Variants in CTNNA3 observed in about 807,000 individuals in gnomAD.
CTNNA3 encodes catenin alpha-3.
A neutral mutation model predicts 95.7 loss-of-function variants in CTNNA3; 76 were observed. That is an observed-to-expected ratio of 0.79 (90% CI 0.66 to 0.96). The LOEUF (loss-of-function observed/expected upper bound fraction) is 0.96, where lower values mean the gene tolerates loss of function less well. CTNNA3 is among the 40% of genes least tolerant of loss of function. The pLI is 0.00. For synonymous variants in CTNNA3, 431 were observed against 374.4 expected, an observed-to-expected ratio of 1.15 and a Z score of -1.74; for missense variants, 1,191 against 1,089.8, an observed-to-expected ratio of 1.09 and a Z score of -1.31.
At chr10:67,315,393 G>A (rs550051156) in intron 5 of CTNNA3, among the ~76,000 whole-genome samples, 1 of 152,260 alleles carries the variant, frequency 6.6e-6, no homozygotes, top group South Asian at 2.1e-4. Context: ...CTGAAGAACT[G>A]ACCATAATAA....
chr10:66,447,139 A>C (rs1468493520), intron 11 of CTNNA3, among the ~76,000 whole-genome samples: 1 of 152,002 alleles, frequency 6.6e-6, no homozygotes, highest in South Asian at 2.1e-4. Context: ...GGCCTCTTCA[A>C]GGAGAACTAC....
intron 5 of CTNNA3, among the ~76,000 whole-genome samples, chr10:67,321,897 T>C (rs533272644): frequency 1.3e-5 from 2 of 152,260 alleles, no homozygotes; most frequent in Admixed American, 1.3e-4. Context: ...CACCTACTCA[T>C]TTGCTCAGGT....
intron 5 of CTNNA3, among the ~76,000 whole-genome samples, chr10:67,440,310 C>T (rs1415101790): frequency 6.6e-6 from 1 of 152,148 alleles, no homozygotes; most frequent in Non-Finnish European, 1.5e-5. Context: ...TGAGGGCAAG[C>T]TCAGATGCAG....
chr10:66,251,927 C>G (rs1453975368), intron 13 of CTNNA3, among the ~76,000 whole-genome samples: 1 of 152,136 alleles, frequency 6.6e-6, no homozygotes, highest in Non-Finnish European at 1.5e-5. Context: ...TAACATAATA[C>G]AACTACTAAG....
At chr10:65,933,670 T>A (rs73306007) in intron 17 of CTNNA3, among the ~76,000 whole-genome samples, 3,189 of 152,256 alleles carry the variant, frequency 0.021, 50 homozygotes, top group African/African-American at 0.04. Flanking sequence ...TGTTCTAAGA[T>A]CCCAGATTCA....
At chr10:66,799,514 C>A (rs4584465) in intron 7 of CTNNA3, among the ~76,000 whole-genome samples, 78,345 of 151,102 alleles carry the variant, frequency 0.52, 21,336 homozygotes, top group East Asian at 0.72. Flanking sequence ...TAGAAGAATA[C>A]AAAATTAGTA....
At chr10:66,587,731 C>T (rs1843408597) in intron 10 of CTNNA3, among the ~76,000 whole-genome samples, 1 of 152,150 alleles carries the variant, frequency 6.6e-6, no homozygotes, top group African/African-American at 2.4e-5. Context: ...ATGTATCCCA[C>T]TCATAATGTT....
At chr10:67,510,146 A>G (rs1839566848) in intron 5 of CTNNA3, among the ~76,000 whole-genome samples, 1 of 151,912 alleles carries the variant, frequency 6.6e-6, no homozygotes, top group Admixed American at 6.6e-5. Context: ...TTTCCTGTTC[A>G]CTCTGATGGT....
chr10:67,739,222 C>G (rs1841320823), intron 1 of CTNNA3, among the ~76,000 whole-genome samples: 1 of 152,140 alleles, frequency 6.6e-6, no homozygotes, highest in African/African-American at 2.4e-5. Flanking sequence ...AAGGGAAGCC[C>G]ATCAGACTAA....
intron 12 of CTNNA3, among the ~76,000 whole-genome samples, chr10:66,356,117 G>GTTTTT (rs1275052192): frequency 1.9e-5 from 2 of 104,716 alleles, no homozygotes; most frequent in African/African-American, 7.7e-5. Context: ...TTGTTTGCTT[G>GTTTTT]TTTTGTTTTT....
rs914682291 is a variant in CTNNA3, at chr10:65,988,912, A to G, written c.2160-115T>C. ...GCGTCCATCCATCCGCATATGTAAA[A>G]TATTCGCATCCCAAAGAACGGCTAT... On this transcript the variant is annotated intron_variant, in intron 15 of 17. Transcript: ENST00000433211. 2.3e-5 allele frequency: 15 copies of G among 660,992 alleles called. No homozygotes were observed. The African/African-American group carries it at 2.7e-4, about 12-fold the overall frequency. 40.9% of individuals were successfully genotyped at this position (660,992 alleles called of 1,614,324 possible). A position where few individuals can be genotyped will look rare whatever the true frequency, so the allele number is the denominator to read the frequency against.
chr10:66,711,358 T>C (rs775634972), intron 9 of CTNNA3, among the ~76,000 whole-genome samples: 6 of 151,610 alleles, frequency 4.0e-5, no homozygotes, highest in Non-Finnish European at 7.4e-5. Flanking sequence ...AATTGAAACA[T>C]TAAAAAACAG....
At chr10:67,725,527 C>A (rs376066444) in intron 1 of CTNNA3, among the ~76,000 whole-genome samples, 4 of 152,044 alleles carry the variant, frequency 2.6e-5, no homozygotes, top group African/African-American at 9.7e-5. Flanking sequence ...GCTCTAAGAA[C>A]AAGACACTTT....
intron 7 of CTNNA3, among the ~76,000 whole-genome samples, chr10:67,032,762 A>G (rs1853811240): frequency 6.6e-6 from 1 of 152,212 alleles, no homozygotes; most frequent in African/African-American, 2.4e-5. Flanking sequence ...GATGTCAACA[A>G]AAGCAATTTT....
rs192838759 is a variant in CTNNA3 at position 66,936,306 on chromosome 10, C to G, written c.1048-160782G>C. 2.9e-3 allele frequency among the ~76,000 whole-genome samples: 436 copies of G among 151,922 alleles called. 6 individuals carry two copies. Among genetic ancestry groups the G allele is most frequent in the Non-Finnish European group, 8.4e-4 (57 of 67,952 alleles). On this transcript the variant is annotated intron_variant, in intron 7 of 17. Transcript: ENST00000433211. ...AAAATAGCCAAAAGCTCACATTATA[C>G]GTTTCTTAATGTTAAAAAAAAAATC...
chr10:67,501,368 C>T (rs986259982), intron 5 of CTNNA3, among the ~76,000 whole-genome samples: 1 of 152,152 alleles, frequency 6.6e-6, no homozygotes, highest in African/African-American at 2.4e-5. Context: ...GCGGGTAACC[C>T]GACCTTTCTC....
intron 13 of CTNNA3, among the ~76,000 whole-genome samples, chr10:66,113,040 C>G (rs75472817): frequency 0.027 from 4,078 of 152,110 alleles, 84 homozygotes; most frequent in Non-Finnish European, 0.042. Flanking sequence ...TTTGAGAAAC[C>G]TCCATACTAT....
chr10:67,188,756 T>C (rs1323634296), intron 6 of CTNNA3, among the ~76,000 whole-genome samples: 1 of 152,146 alleles, frequency 6.6e-6, no homozygotes, highest in Non-Finnish European at 1.5e-5. Context: ...TGTCTACCAA[T>C]GGCCAAATGG....
At chr10:67,709,372 T>A (rs1841094677) in intron 1 of CTNNA3, among the ~76,000 whole-genome samples, 1 of 152,166 alleles carries the variant, frequency 6.6e-6, no homozygotes, top group African/African-American at 2.4e-5. Flanking sequence ...AGAACATACA[T>A]GAATGTCCAC....
Sources: gnomAD v4.1 joint callset for allele counts (sites outside exome capture counted in the v4.1 genomes callset) on GRCh38, gnomAD v4.1.1 for gene constraint, MANE v1.5 for transcripts, NCBI Gene and HGNC (gene_info 2026-07-23, HGNC 2026-07-21) for gene names.